LTBP4: variants seen among roughly 807,000 people sequenced by gnomAD.
The protein encoded by LTBP4 is latent transforming growth factor beta binding protein 4.
Under a neutral mutation model 180.2 loss-of-function variants are expected in LTBP4, and 93 were observed. That is an observed-to-expected ratio of 0.52 (90% CI 0.44 to 0.61). The LOEUF (loss-of-function observed/expected upper bound fraction) is 0.61. LTBP4 is among the 20% of genes least tolerant of loss of function. LTBP4 has a pLI of 0.00. For synonymous variants in LTBP4, 947 were observed against 934.5 expected (o/e 1.01, Z -0.24); for missense variants, 2,116 against 2,256.5 (o/e 0.94, Z 1.26).
chr19:40,596,493 G>A (rs78822011), upstream of LTBP4, among the ~76,000 whole-genome samples: 3,178 of 151,298 alleles, frequency 0.021, 111 homozygotes, highest in African/African-American at 0.074. Context: ...GTGCAGGAGG[G>A]GGCAGAGCCA....
upstream of LTBP4, among the ~76,000 whole-genome samples, chr19:40,598,111 A>C (rs2081400705): frequency 2.0e-5 from 3 of 150,686 alleles, no homozygotes; most frequent in Non-Finnish European, 3.0e-5. Flanking sequence ...TCTGCCCAGC[A>C]CCCCCACCCA....
Position 40,622,285 on chromosome 19 carries a change from A to G in LTBP4, c.3218-116A>G. On this transcript the variant is annotated intron_variant, in intron 22 of 29. Coordinates refer to ENST00000396819, the MANE Select transcript of LTBP4 (RefSeq NM_001042545.2). This position sits in a 1 kb window ranked among gnomAD's most constrained non-coding sequence, Gnocchi z 5.1. ...GAGAGGTGTGGAGTCTGGTTCTGCC[A>G]CTGATGGCTGCCACCCTCTGTTTCC... 8.3e-7 allele frequency: 1 copy of G among 1,208,170 alleles called. No homozygotes were observed. Among genetic ancestry groups the G allele is most frequent in the East Asian group, 2.6e-5 (1 of 38,436 alleles). 74.8% of individuals were successfully genotyped at this position (1,208,170 alleles called of 1,614,324 possible).
chr19:40,625,264 A>T (rs1325540855), intron 26 of LTBP4, among the ~76,000 whole-genome samples: 1 of 1,694 alleles, frequency 5.9e-4, no homozygotes, highest in Non-Finnish European at 1.1e-3. Flanking sequence ...ATATATATAT[A>T]TATATATATA....
At chr19:40,606,595 G>A in intron 6 of LTBP4, 69 bp downstream of exon 6, 1 of 1,518,522 alleles carries the variant, frequency 6.6e-7, no homozygotes, top group South Asian at 1.2e-5. Flanking sequence ...AGAGCATCCT[G>A]GGGCCTTTAA....
chr19:40,627,021 C>T lies in LTBP4; in HGVS notation c.4032C>T (p.Ser1344=), dbSNP rs767032890. The change falls in exon 28 of 30, where the codon AGC becomes AGT. Residue 1344 remains serine (S), a synonymous_variant. Transcript: ENST00000396819. ...LCNVLRPPAY[S]PPRPGGFGLP... ...ATGTGCTACGCCCCCCCGCATATAG[C>T]CCCCCGCGACCAGGTGGCTTTGGAC... 5.6e-6 allele frequency: 9 copies of T among 1,599,044 alleles called. No homozygotes were observed. The highest frequency in any genetic ancestry group is 6.8e-6 in the Non-Finnish European group (8 of 1,170,598).
At position 40,626,230 on chromosome 19, in the gene LTBP4, C is replaced by T. The variant is rs180851986; in HGVS notation, c.3985+221C>T. 4.4e-3 allele frequency among the ~76,000 whole-genome samples: 675 copies of T among 152,242 alleles called. 4 individuals are homozygous for T. Among genetic ancestry groups the T allele is most frequent in the Middle Eastern group, 6.8e-3 (2 of 294 alleles). ...ATCCCAAGGCCTGACCCAGCAGATC[C>T]CATAGTACCAGACCCACAGGCCCCT... On this transcript the variant is annotated intron_variant, in intron 27 of 29. Coordinates refer to ENST00000396819, the MANE Select transcript of LTBP4 (RefSeq NM_001042545.2).
upstream of LTBP4, chr19:40,600,108 C>CG: frequency 7.9e-7 from 1 of 1,258,626 alleles, no homozygotes; most frequent in Non-Finnish European, 1.0e-6. The surrounding 1 kb of genome is among the most constrained non-coding windows in gnomAD (Gnocchi z 4.4). Flanking sequence ...GCGGCGGCCC[C>CG]GGGGGCCAGG....
chr19:40,616,326 C>CAAAAAA (rs1220270634), intron 19 of LTBP4, among the ~76,000 whole-genome samples: 2 of 145,584 alleles, frequency 1.4e-5, no homozygotes, highest in African/African-American at 5.2e-5. Flanking sequence ...TGGGGTGGCT[C>CAAAAAA]ATGCCTATAA....
rs777482218 is a variant in LTBP4, at chr19:40,624,102, C to A, written c.3832+20C>A. The A allele has an allele frequency of 9.2e-6, 14 of 1,513,754 alleles. No individual in the cohort carries two copies. The highest frequency in any genetic ancestry group is 2.8e-5 in the African/African-American group (2 of 72,470). 93.8% of individuals were successfully genotyped at this position (1,513,754 alleles called of 1,614,324 possible). On this transcript the variant is annotated intron_variant, in intron 26 of 29. Coordinates refer to ENST00000396819, the MANE Select transcript of LTBP4 (RefSeq NM_001042545.2). ...GCCTCGGTAACCCCGCCCACGCCAT[C>A]CAGGCCCTCCTTCCCTTGGCTCGGC...
rs1423413999 is a variant in LTBP4, at chr19:40,609,840, C to T, written c.1653C>T (p.Phe551=). Reference sequence around the variant, plus strand: ...TCCGCTGCGTGTGCGGCCCGGGCTTCCGAGCCGGCCCACGGGCTGCGGAAT... The same window carrying T: ...TCCGCTGCGTGTGCGGCCCGGGCTTTCGAGCCGGCCCACGGGCTGCGGAAT... ...GSFRCVCGPG[F]RAGPRAAECL... is the part of the protein sequence containing the mutation. The change falls in exon 11 of 30, where the codon TTC becomes TTT. Residue 551 remains phenylalanine (F), a synonymous_variant. Transcript: ENST00000396819. This position sits in a 1 kb window ranked among gnomAD's most constrained non-coding sequence, Gnocchi z 4.9. 6.3e-7 allele frequency: 1 copy of T among 1,597,726 alleles called. No homozygotes were observed. Among genetic ancestry groups the T allele is most frequent in the African/African-American group, 1.3e-5 (1 of 74,668 alleles).
At position 40,627,406 on chromosome 19, in the gene LTBP4, C is replaced by G. The variant is rs938525401; in HGVS notation, c.4366+51C>G. 1.1e-5 allele frequency: 16 copies of G among 1,451,462 alleles called. No homozygotes were observed. In the African/African-American group the frequency reaches 2.0e-4, roughly 18 times the overall value. 89.9% of individuals were successfully genotyped at this position (1,451,462 alleles called of 1,614,324 possible). A position where few individuals can be genotyped will look rare whatever the true frequency, so the allele number is the denominator to read the frequency against. ...ACTGAGATGAGGGGTGAGGTGTGCA[C>G]GGAGAGAGGAGGGAGGGAAACAGAA... On this transcript the variant is annotated intron_variant, in intron 28 of 29. Coordinates refer to ENST00000396819, the MANE Select transcript of LTBP4 (RefSeq NM_001042545.2).
rs893945675 is a variant in LTBP4, at chr19:40,607,366, C to T, written c.993C>T (p.Ser331=). 1.9e-6 allele frequency: 3 copies of T among 1,612,170 alleles called. No homozygotes were observed. The highest frequency in any genetic ancestry group is 2.5e-6 in the Non-Finnish European group (3 of 1,179,300). The change falls in exon 7 of 30, where the codon TCC becomes TCT. Residue 331 remains serine (S), a splice_region_variant and synonymous_variant. Transcript: ENST00000396819. ...LLDSSRSSCI[S]QHVISEAKGP... is the part of the protein sequence containing the mutation. Reference sequence around the variant, plus strand: ...GGATTTCCTCCCTGCTCCTCGCAGCCCAACACGTGATCTCAGAGGCCAAAG... The same window carrying T: ...GGATTTCCTCCCTGCTCCTCGCAGCTCAACACGTGATCTCAGAGGCCAAAG...
intron 1 of LTBP4, chr19:40,594,617 G>A (rs975507265): frequency 1.3e-5 from 2 of 152,278 alleles, no homozygotes; most frequent in African/African-American, 4.8e-5. Flanking sequence ...TGTGAGCAGG[G>A]GTCTTGGGGG....
upstream of LTBP4, chr19:40,597,159 G>C: frequency 8.7e-7 from 1 of 1,143,076 alleles, no homozygotes; most frequent in Non-Finnish European, 1.1e-6. Flanking sequence ...CGGGGGCGGG[G>C]GCAGGGGCGG....
upstream of LTBP4, chr19:40,601,275 GGGGGGGCCTGA>G: frequency 1.2e-6 from 1 of 836,270 alleles, no homozygotes; most frequent in Non-Finnish European, 1.4e-6. Context: ...GTGGTGAGGA[GGGGGGGCCTGA>G]GCGGGGGCGC....
At chr19:40,600,817 C>G (rs529184041), upstream of LTBP4, among the ~76,000 whole-genome samples, 1 of 152,072 alleles carries the variant, frequency 6.6e-6, no homozygotes, top group Non-Finnish European at 1.5e-5. The surrounding 1 kb of genome is among the most constrained non-coding windows in gnomAD (Gnocchi z 4.4). Context: ...GTGGCTACAT[C>G]TTCACATGTA....
chr19:40,600,836 A>C (rs2081418314), upstream of LTBP4, among the ~76,000 whole-genome samples: 2 of 149,186 alleles, frequency 1.3e-5, no homozygotes, highest in African/African-American at 2.5e-5. This position sits in a 1 kb window ranked among gnomAD's most constrained non-coding sequence, Gnocchi z 4.4. Context: ...TATCCCCCCC[A>C]CCTCCAGCCT....
chr19:40,627,244 T>C lies in LTBP4; in HGVS notation c.4255T>C (p.Ser1419Pro). 6.3e-7 allele frequency: 1 copy of C among 1,594,116 alleles called. No homozygotes were observed. The stretch of plus-strand genomic sequence containing the variant: ...GGACGATGGTGGCCCCTATGGCGAA[T>C]CTGAGGCTCCTGCGCCACCTGGCCC... ...FEDDGGPYGE[S>P]EAPAPPGPGT... Residue 1419 changes from serine (S) to proline (P), a missense_variant, in exon 28 of 30, where the codon TCT (serine) becomes CCT (proline). Transcript: ENST00000396819.
rs2146053413 is a variant in LTBP4, at chr19:40,627,598, TG to T, written c.4367-105del. On this transcript the variant is annotated intron_variant, in intron 28 of 29. Transcript: ENST00000396819. ...CACCCGCCACAGCCCTGGAGCGGGA[TG>T]GACAGTTTACAGCGAGAAAGATGGA... 4 of 1,439,586 alleles carry T rather than the reference TG, an allele frequency of 2.8e-6. No homozygotes were observed. The Admixed American group carries it at 8.3e-5, about 30-fold the overall frequency. 89.2% of individuals were successfully genotyped at this position (1,439,586 alleles called of 1,614,324 possible).
Sources: allele counts gnomAD v4.1 joint callset (sites outside exome capture counted in the v4.1 genomes callset), GRCh38; gene constraint gnomAD v4.1.1; non-coding constraint Gnocchi (gnomAD v3.1); transcripts MANE v1.5; gene names NCBI Gene and HGNC (gene_info 2026-07-23, HGNC 2026-07-21).